The following INSR variants were observed in gnomAD, a reference collection of about 807,000 sequenced individuals.
INSR encodes IR.
In INSR, 67 loss-of-function variants were observed where a neutral mutation model predicts 142.6. That is an observed-to-expected ratio of 0.47 (90% CI 0.39 to 0.58). The LOEUF is 0.58. INSR is among the 20% of genes least tolerant of loss of function. The pLI, the probability that INSR is intolerant of heterozygous loss-of-function variation, is 0.00. For missense variants in INSR, 1,248 were observed against 1,833.2 expected (o/e 0.68, Z 5.83); for synonymous variants, 756 against 743.1 (o/e 1.02, Z -0.28).
rs773571680 is a variant in INSR at position 7,142,993 on chromosome 19, G to T, written c.2365C>A (p.Pro789Thr). Reference sequence around the variant, plus strand: ...GGCCTGTGCTCCTCCGGACTCGTGGGCACGCTGGTCGAGGAAGTGTTGGGG... The same window carrying T: ...GGCCTGTGCTCCTCCGGACTCGTGGTCACGCTGGTCGAGGAAGTGTTGGGG... ...AFPNTSSTSV[P>T]TSPEEHRPFE... is the part of the protein sequence containing the mutation. The change falls in exon 12 of 22, where the codon CCC becomes ACC. Residue 789 changes from proline to threonine, a missense_variant. This residue lies in a region of INSR where 1,069 missense variants were observed against 1,654.0 expected (regional missense o/e 0.65). Transcript: ENST00000302850. 6.2e-7 allele frequency: 1 copy of T among 1,614,178 alleles called. No homozygotes were observed. Among genetic ancestry groups the T allele is most frequent in the Non-Finnish European group, 8.5e-7 (1 of 1,180,028 alleles).
chr19:7,287,625 T>G (rs1047649111), intron 1 of INSR, among the ~76,000 whole-genome samples: 5 of 152,204 alleles, frequency 3.3e-5, no homozygotes, highest in South Asian at 4.1e-4. Flanking sequence ...CATGGCTAAG[T>G]AGGCAACATC....
chr19:7,189,519 C>T (rs766501834), intron 2 of INSR, among the ~76,000 whole-genome samples: 63 of 152,148 alleles, frequency 4.1e-4, no homozygotes, highest in Non-Finnish European at 1.5e-4. Context: ...AACTCTGCCA[C>T]GATGGCATGA....
At chr19:7,156,998 G>T (rs1477766245) in intron 9 of INSR, among the ~76,000 whole-genome samples, 3 of 126,526 alleles carry the variant, frequency 2.4e-5, no homozygotes, top group Admixed American at 2.2e-4. Flanking sequence ...TTGTTTTTTT[G>T]GGATGGAGTC....
At chr19:7,164,680 G>A (rs1025100407) in intron 8 of INSR, among the ~76,000 whole-genome samples, 4 of 144,936 alleles carry the variant, frequency 2.8e-5, no homozygotes, top group African/African-American at 7.8e-5. Context: ...AAAAAAATTC[G>A]CCAATCGTGG....
rs140294837 is a variant in INSR at position 7,244,463 on chromosome 19, G to A, written c.652+22882C>T. Among the ~76,000 whole-genome samples the A allele has an allele frequency of 4.3e-3, 646 of 151,746 alleles. 6 individuals carry two copies. Among genetic ancestry groups the A allele is most frequent in the Middle Eastern group, 0.01 (3 of 294 alleles). On this transcript the variant is annotated intron_variant, in intron 2 of 21. Coordinates refer to ENST00000302850, the MANE Select transcript of INSR (RefSeq NM_000208.4). ...CACAAGAATTGTTTGAACTTGGGAG[G>A]CAGAGGTTGCAGTGAGCCGAGATCG...
chr19:7,231,196 AAG>A (rs1436870183), intron 2 of INSR, among the ~76,000 whole-genome samples: 6 of 152,226 alleles, frequency 3.9e-5, no homozygotes, highest in African/African-American at 1.2e-4. Flanking sequence ...CAGCTCAGCA[AAG>A]AGGGGGGAAG....
intron 1 of INSR, among the ~76,000 whole-genome samples, chr19:7,282,948 G>A (rs747993409): frequency 4.0e-5 from 6 of 150,852 alleles, no homozygotes; most frequent in Non-Finnish European, 8.8e-5. Flanking sequence ...ACTCCAGCCT[G>A]GGCGACAGAG....
chr19:7,147,457 G>C lies in INSR; in HGVS notation c.2267+3040C>G, dbSNP rs904657851. Among the ~76,000 whole-genome samples the C allele has an allele frequency of 3.3e-5, 5 of 152,228 alleles. No homozygotes were observed. The East Asian group carries it at 9.7e-4, about 29-fold the overall frequency. ...CCCAAAGTGCTGCGATTACAGGTGT[G>C]AGTCACTGCGCCCAGCCTGTAAGTG... On this transcript the variant is annotated intron_variant, in intron 11 of 21. Transcript: ENST00000302850.
chr19:7,222,645 G>C (rs1012422075), intron 2 of INSR, among the ~76,000 whole-genome samples: 7 of 151,876 alleles, frequency 4.6e-5, no homozygotes, highest in Non-Finnish European at 1.0e-4. Flanking sequence ...CTCCCACCTC[G>C]GCCTCCCAAA....
At chr19:7,139,925 G>A (rs1482580729) in intron 13 of INSR, among the ~76,000 whole-genome samples, 1 of 146,228 alleles carries the variant, frequency 6.8e-6, no homozygotes, top group Non-Finnish European at 1.5e-5. Context: ...CCGGGTTCAA[G>A]CAATTCTCCC....
rs368624864 is a variant in INSR at position 7,243,315 on chromosome 19, G to A, written c.652+24030C>T. ...GGCTGGAGTGCAGTGGTGCGATCTC[G>A]GCTCACTGCAACCTCCGCTTCCTGG... On this transcript the variant is annotated intron_variant, in intron 2 of 21. Transcript: ENST00000302850. 2.6e-4 allele frequency among the ~76,000 whole-genome samples: 35 copies of A among 135,190 alleles called. 1 individual carries two copies. Among genetic ancestry groups the A allele is most frequent in the African/African-American group, 7.9e-4 (28 of 35,388 alleles). 88.7% of individuals were successfully genotyped at this position (135,190 alleles called of 152,430 possible).
intron 2 of INSR, among the ~76,000 whole-genome samples, chr19:7,211,916 C>T (rs1975286430): frequency 7.1e-6 from 1 of 140,930 alleles, no homozygotes; most frequent in African/African-American, 3.2e-5. Context: ...ACGAATTCAA[C>T]ACCTGGTAAT....
chr19:7,249,722 G>A (rs1166946651), intron 2 of INSR, among the ~76,000 whole-genome samples: 1 of 152,164 alleles, frequency 6.6e-6, no homozygotes, highest in Non-Finnish European at 1.5e-5. Flanking sequence ...GCTGGGCGCG[G>A]TGGCTCACGC....
At chr19:7,179,614 A>G (rs1599952367) in intron 3 of INSR, among the ~76,000 whole-genome samples, 2 of 152,202 alleles carry the variant, frequency 1.3e-5, no homozygotes, top group East Asian at 3.8e-4. Flanking sequence ...ATAATATCCT[A>G]TTGGAATATG....
chr19:7,172,469 T>C (rs79113700), intron 4 of INSR, 35 bp from the exon 5 acceptor site: 46 of 1,608,022 alleles, frequency 2.9e-5, no homozygotes, highest in South Asian at 2.3e-4. Flanking sequence ...TGGGTTTCTA[T>C]AGACATATTT....
intron 1 of INSR, among the ~76,000 whole-genome samples, chr19:7,279,222 G>A (rs116592659): frequency 2.0e-5 from 3 of 152,104 alleles, no homozygotes; most frequent in African/African-American, 7.2e-5. Context: ...CCCTTGGGGA[G>A]GCTGACGCAG....
chr19:7,122,016 G>A (rs748464928), intron 19 of INSR, among the ~76,000 whole-genome samples: 87 of 151,910 alleles, frequency 5.7e-4, no homozygotes, highest in Non-Finnish European at 1.1e-3. Context: ...GGTGGCGCAC[G>A]CCTGTAATCC....
intron 19 of INSR, among the ~76,000 whole-genome samples, chr19:7,122,058 G>A (rs1340693540): frequency 1.3e-5 from 2 of 151,224 alleles, no homozygotes; most frequent in African/African-American, 2.4e-5. Context: ...CAGGAGAATC[G>A]CTTGAACCCA....
chr19:7,284,525 A>G (rs1013737527), intron 1 of INSR, among the ~76,000 whole-genome samples: 13 of 151,588 alleles, frequency 8.6e-5, no homozygotes, highest in African/African-American at 3.2e-4. Context: ...AAAAGGACTC[A>G]GGTTTTTTTG....
Sources: allele counts gnomAD v4.1 joint callset (sites outside exome capture counted in the v4.1 genomes callset), GRCh38; gene constraint gnomAD v4.1.1; regional missense constraint gnomAD v4.1.1; transcripts MANE v1.5; gene names NCBI Gene and HGNC (gene_info 2026-07-23, HGNC 2026-07-21).